The following TFEB variants were observed in gnomAD, a reference collection of about 807,000 sequenced individuals.
TFEB encodes T-cell transcription factor EB.
A neutral mutation model predicts 48.0 loss-of-function variants in TFEB; 12 were observed. The observed-to-expected ratio is 0.25, with a 90% confidence interval of 0.16 to 0.40. The LOEUF is 0.40. Ranked by LOEUF, TFEB falls within the 10% of genes least tolerant of loss-of-function variation. The pLI, the probability that TFEB is intolerant of heterozygous loss-of-function variation, is 1.00. For synonymous variants in TFEB, 244 were observed against 261.4 expected, an observed-to-expected ratio of 0.93 and a Z score of 0.64; for missense variants, 509 against 640.3, an observed-to-expected ratio of 0.79 and a Z score of 2.21.
At chr6:41,729,679 G>C (rs1293402121) in intron 1 of TFEB, among the ~76,000 whole-genome samples, 1 of 152,252 alleles carries the variant, frequency 6.6e-6, no homozygotes, top group Non-Finnish European at 1.5e-5. Context: ...GTCCCAGAGA[G>C]TGGGACCAAG....
intron 1 of TFEB, among the ~76,000 whole-genome samples, chr6:41,693,840 AC>A (rs1769433090): frequency 6.6e-6 from 1 of 151,276 alleles, no homozygotes; most frequent in Non-Finnish European, 1.5e-5. Flanking sequence ...GCCTTTGCCC[AC>A]CCCCTTCCTA....
At position 41,684,798 on chromosome 6, in the gene TFEB, G is replaced by C. The variant is rs767286999; in HGVS notation, c.1232C>G (p.Pro411Arg). Residue 411 changes from proline to arginine, a missense_variant, in exon 9 of 9, where the codon CCG (proline) becomes CGG (arginine). Pro to Arg is a moderately radical substitution (Grantham distance 103). Transcript: ENST00000373033. Reference protein sequence around the residue: ...SFGGREDEGPPGYPEPLAPGH... With the variant: ...SFGGREDEGPRGYPEPLAPGH... Reference sequence around the variant, plus strand: ...CGGCGCCAGGGGTTCGGGGTAGCCCGGGGGACCCTCGTCCTCCCTGCCCCC... The same window carrying C: ...CGGCGCCAGGGGTTCGGGGTAGCCCCGGGGACCCTCGTCCTCCCTGCCCCC... 8 of 1,603,758 alleles carry C rather than the reference G, an allele frequency of 5.0e-6. No individual in the cohort carries two copies. In the East Asian group the frequency reaches 9.0e-5, roughly 18 times the overall value.
chr6:41,690,467 T>C (rs1410941622), intron 3 of TFEB, among the ~76,000 whole-genome samples, 196 bp downstream of exon 3: 2 of 152,230 alleles, frequency 1.3e-5, no homozygotes, highest in Non-Finnish European at 1.5e-5. Flanking sequence ...TGGCGTTTCC[T>C]CTGTGAGGCT....
chr6:41,716,946 G>A (rs192421240), intron 1 of TFEB, among the ~76,000 whole-genome samples: 2 of 151,982 alleles, frequency 1.3e-5, no homozygotes, highest in South Asian at 4.2e-4. Flanking sequence ...GCATGCCCGC[G>A]TGCACCCTAC....
chr6:41,706,392 G>A (rs1273482533), intron 1 of TFEB, among the ~76,000 whole-genome samples: 3 of 152,150 alleles, frequency 2.0e-5, no homozygotes, highest in Admixed American at 6.5e-5. Flanking sequence ...GGGGCAGGAC[G>A]GGGCAGCCAG....
rs2073158 is a variant in TFEB at position 41,684,776 on chromosome 6, C to T, written c.1254G>A (p.Ala418=). The change falls in exon 9 of 9, where the codon GCG becomes GCA. Residue 418 remains alanine (A), a synonymous_variant. Transcript: ENST00000373033. ...EGPPGYPEPL[A]PGHGSPFPSL... ...TGGGGAATGGGGAGCCATGCCCCGGCGCCAGGGGTTCGGGGTAGCCCGGGG... is the reference window on the plus strand; with the variant it reads ...TGGGGAATGGGGAGCCATGCCCCGGTGCCAGGGGTTCGGGGTAGCCCGGGG... 0.21 allele frequency: 331,178 copies of T among 1,610,660 alleles called. 35,556 individuals are homozygous for T. Among genetic ancestry groups the T allele is most frequent in the East Asian group, 0.28 (12,464 of 44,682 alleles).
rs985025694 is a variant in TFEB, at chr6:41,734,430, C to T, written c.-23+920G>A. On this transcript the variant is annotated intron_variant, in intron 1 of 8. Transcript: ENST00000373033. This position sits in a 1 kb window ranked among gnomAD's most constrained non-coding sequence, Gnocchi z 4.0. ...AACCCCGCGCGGGGAGGGGGCCGAG[C>T]TGGCATCTGCCCGCTCCCTTCCAGG... 2 of 964,508 alleles carry T rather than the reference C, an allele frequency of 2.1e-6. No individual in the cohort carries two copies. The highest frequency in any genetic ancestry group is 1.8e-5 in the African/African-American group (1 of 56,588). The allele number at this position is 964,508 out of a possible 1,614,324, so 59.7% of individuals were successfully genotyped here. A position where few individuals can be genotyped will look rare whatever the true frequency, so the allele number is the denominator to read the frequency against.
At chr6:41,706,016 A>C (rs1770198473) in intron 1 of TFEB, 1 of 151,900 alleles carries the variant, frequency 6.6e-6, no homozygotes, top group Admixed American at 6.6e-5. Context: ...AGGCCTGGTG[A>C]CCGTCATCTC....
chr6:41,688,198 G>A, intron 4 of TFEB, 170 bp from the exon 5 acceptor site: 2 of 767,974 alleles, frequency 2.6e-6, no homozygotes, highest in South Asian at 2.0e-5. Flanking sequence ...AGAGTCCAGA[G>A]CTATTATAAG....
At chr6:41,731,002 G>C (rs920863115) in intron 1 of TFEB, among the ~76,000 whole-genome samples, 1 of 152,150 alleles carries the variant, frequency 6.6e-6, no homozygotes, top group Non-Finnish European at 1.5e-5. Context: ...CACATGGAGA[G>C]GCCTGTTTGC....
At chr6:41,732,030 T>TTTTATA (rs1373189740) in intron 1 of TFEB, among the ~76,000 whole-genome samples, 1 of 152,148 alleles carries the variant, frequency 6.6e-6, no homozygotes, top group Non-Finnish European at 1.5e-5. Context: ...CACCCTGCTT[T>TTTTATA]TTTATTTTTA....
chr6:41,700,439 C>T (rs1178601858), intron 1 of TFEB, among the ~76,000 whole-genome samples: 1 of 147,498 alleles, frequency 6.8e-6, no homozygotes, highest in Non-Finnish European at 1.5e-5. Flanking sequence ...GCACTCCAGC[C>T]TGGGCGACAG....
intron 1 of TFEB, among the ~76,000 whole-genome samples, chr6:41,707,506 C>T (rs1023099249): frequency 6.6e-6 from 1 of 152,182 alleles, no homozygotes; most frequent in South Asian, 2.1e-4. Flanking sequence ...GGAAGCACAC[C>T]GCCAGGCCCA....
intron 1 of TFEB, among the ~76,000 whole-genome samples, chr6:41,703,028 C>T (rs1770017219): frequency 6.6e-6 from 1 of 152,206 alleles, no homozygotes. Context: ...AAGGGCCAGG[C>T]ACCGGTTTCA....
At chr6:41,706,713 C>G (rs887222977) in intron 1 of TFEB, among the ~76,000 whole-genome samples, 2 of 152,020 alleles carry the variant, frequency 1.3e-5, no homozygotes, top group African/African-American at 4.8e-5. Flanking sequence ...CCACCATCTC[C>G]CCCCATAGAG....
Position 41,691,312 on chromosome 6 carries a change from G to T in TFEB, c.-22-77C>A. On this transcript the variant is annotated intron_variant, in intron 1 of 8. Coordinates refer to ENST00000373033, the MANE Select transcript of TFEB (RefSeq NM_001271944.2). This position sits in a 1 kb window ranked among gnomAD's most constrained non-coding sequence, Gnocchi z 5.2. ...CACAGGGGCTGGCAGGGGGAGGCCA[G>T]AATGACTGGGACCGCATCCATTTTA... 1.4e-6 allele frequency: 2 copies of T among 1,393,046 alleles called. No individual in the cohort carries two copies. The highest frequency in any genetic ancestry group is 2.0e-6 in the Non-Finnish European group (2 of 1,003,212). 86.3% of individuals were successfully genotyped at this position (1,393,046 alleles called of 1,614,324 possible). A position where few individuals can be genotyped will look rare whatever the true frequency, so the allele number is the denominator to read the frequency against.
chr6:41,733,189 A>G (rs1480065258), intron 1 of TFEB: 1 of 376,146 alleles, frequency 2.7e-6, no homozygotes, highest in East Asian at 1.6e-4. Flanking sequence ...GCTTTCCAGA[A>G]ACAGGCTGAG....
At chr6:41,712,887 C>T (rs1770546321) in intron 1 of TFEB, among the ~76,000 whole-genome samples, 1 of 152,188 alleles carries the variant, frequency 6.6e-6, no homozygotes, top group South Asian at 2.1e-4. Flanking sequence ...GCAAGCACCA[C>T]CCACTCCCCC....
chr6:41,709,293 TTCA>T (rs10604829), intron 1 of TFEB, among the ~76,000 whole-genome samples: 15,540 of 152,242 alleles, frequency 0.1, 1,068 homozygotes, highest in Admixed American at 0.18. Flanking sequence ...CTGTGTGACC[TTCA>T]TCAACTTACT....
Sources: allele counts gnomAD v4.1 joint callset (sites outside exome capture counted in the v4.1 genomes callset), GRCh38; gene constraint gnomAD v4.1.1; non-coding constraint Gnocchi (gnomAD v3.1); transcripts MANE v1.5; gene names NCBI Gene and HGNC (gene_info 2026-07-23, HGNC 2026-07-21).